The following SLC9C1 variants were observed in gnomAD, a reference collection of about 807,000 sequenced individuals.
SLC9C1 encodes sodium/hydrogen exchanger 10.
SLC9C1 carries 97 observed loss-of-function variants against 140.9 expected under a neutral mutation model. That is an observed-to-expected ratio of 0.69 (90% CI 0.58 to 0.82). SLC9C1 has a LOEUF of 0.82. SLC9C1 is among the 40% of genes least tolerant of loss of function. SLC9C1 has a pLI of 0.00. For missense variants in SLC9C1, 1,340 were observed against 1,389.3 expected (o/e 0.96, Z 0.56); for synonymous variants, 440 against 442.6 (o/e 0.99, Z 0.07).
At position 112,190,928 on chromosome 3, in the gene SLC9C1, AACAC is replaced by A. The variant is rs56930611; in HGVS notation, c.2523+8389_2523+8392del. On this transcript the variant is annotated intron_variant, in intron 20 of 28. Coordinates refer to ENST00000305815, the MANE Select transcript of SLC9C1 (RefSeq NM_183061.3). ...TATGCAGTAATTTTTACTTTTTTTA[AACAC>A]ACACACACACACACACACACACACA... is the stretch of plus-strand genomic sequence containing the variant. Among the ~76,000 whole-genome samples, 1,057 of 138,740 alleles carry A rather than the reference AACAC, an allele frequency of 7.6e-3. 6 individuals carry two copies. Among genetic ancestry groups the A allele is most frequent in the East Asian group, 0.037 (186 of 4,964 alleles). 91.0% of individuals were successfully genotyped at this position (138,740 alleles called of 152,430 possible).
At chr3:112,277,641 G>T (rs185229804) in intron 5 of SLC9C1, 54 bp downstream of exon 5, 5 of 1,365,328 alleles carry the variant, frequency 3.7e-6, no homozygotes, top group East Asian at 5.3e-5. Context: ...TAAAATACAA[G>T]TTCATTATGA....
At chr3:112,156,350 C>T (rs1400069053) in intron 26 of SLC9C1, among the ~76,000 whole-genome samples, 1 of 151,866 alleles carries the variant, frequency 6.6e-6, no homozygotes, top group Non-Finnish European at 1.5e-5. Context: ...TTTTTAATGG[C>T]TAGATAATAT....
intron 26 of SLC9C1, among the ~76,000 whole-genome samples, chr3:112,166,430 G>T (rs1203133559): frequency 3.9e-5 from 6 of 152,162 alleles, no homozygotes; most frequent in Non-Finnish European, 8.8e-5. Flanking sequence ...TCGAGCTGGA[G>T]AGCTCCACAT....
At chr3:112,243,950 T>G (rs1395157029) in intron 11 of SLC9C1, 45 bp downstream of exon 11, 3 of 1,307,128 alleles carry the variant, frequency 2.3e-6, no homozygotes, top group Non-Finnish European at 3.2e-6. Context: ...TTACCATACT[T>G]AGAATGTTTT....
At chr3:112,251,453 A>G (rs1344893120) in intron 10 of SLC9C1, among the ~76,000 whole-genome samples, 1 of 152,150 alleles carries the variant, frequency 6.6e-6, no homozygotes, top group Non-Finnish European at 1.5e-5. Context: ...GCACACGTGG[A>G]GCCCTAGGTG....
chr3:112,207,393 C>G (rs930052458), intron 16 of SLC9C1, among the ~76,000 whole-genome samples: 2 of 152,136 alleles, frequency 1.3e-5, no homozygotes, highest in Non-Finnish European at 2.9e-5. Flanking sequence ...TGGATAAAAT[C>G]TGAGCTATAG....
At chr3:112,197,316 G>C (rs1008673310) in intron 20 of SLC9C1, among the ~76,000 whole-genome samples, 1 of 152,138 alleles carries the variant, frequency 6.6e-6, no homozygotes, top group Non-Finnish European at 1.5e-5. Flanking sequence ...TCAGCCAGAG[G>C]GGGAGGGCTT....
At chr3:112,181,786 G>GA (rs546775627) in intron 21 of SLC9C1, among the ~76,000 whole-genome samples, 69 of 140,920 alleles carry the variant, frequency 4.9e-4, no homozygotes, top group East Asian at 1.4e-3. Flanking sequence ...GGAAAAGTTT[G>GA]AAAAAAAAAA....
In SLC9C1 at chr3:112,182,207, G is replaced by T. The variant is rs745686391; in HGVS notation, c.2575C>A (p.Pro859Thr). 24 of 1,607,250 alleles carry T rather than the reference G, an allele frequency of 1.5e-5. No homozygotes were observed. Among genetic ancestry groups the T allele is most frequent in the Non-Finnish European group, 1.8e-5 (21 of 1,176,944 alleles). ...EVLDSQSIIRPLTVEEVLYHI... is the reference protein window; with the variant it reads ...EVLDSQSIIRTLTVEEVLYHI... ...TATAGAACTTCTTCAACAGTAAGAG[G>T]CCTGATAATAGATTGAGAATCAAGC... Residue 859 changes from proline (P) to threonine (T), a missense_variant, in exon 21 of 29, where the codon CCT becomes ACT. By Grantham distance (38) the Pro-to-Thr change is conservative. Coordinates refer to ENST00000305815, the MANE Select transcript of SLC9C1 (RefSeq NM_183061.3).
intron 2 of SLC9C1, among the ~76,000 whole-genome samples, chr3:112,284,219 G>C (rs995954707): frequency 6.6e-6 from 1 of 152,178 alleles, no homozygotes; most frequent in Non-Finnish European, 1.5e-5. Flanking sequence ...AGGTAAAGTT[G>C]CTTCAACATC....
chr3:112,162,489 GGAT>G (rs2075334163), intron 26 of SLC9C1, among the ~76,000 whole-genome samples: 1 of 152,156 alleles, frequency 6.6e-6, no homozygotes, highest in Non-Finnish European at 1.5e-5. Flanking sequence ...AAGGGTTGTT[GGAT>G]TTTGTTAAAG....
chr3:112,275,112 T>C, intron 5 of SLC9C1, 87 bp from the exon 6 acceptor site: 1 of 1,372,692 alleles, frequency 7.3e-7, no homozygotes, highest in Non-Finnish European at 9.7e-7. Flanking sequence ...TCTTAGCAAC[T>C]ATAAGGATGG....
chr3:112,188,906 A>G (rs2077592409), intron 20 of SLC9C1, among the ~76,000 whole-genome samples: 1 of 152,102 alleles, frequency 6.6e-6, no homozygotes, highest in Non-Finnish European at 1.5e-5. Context: ...TTGTTTCCTG[A>G]CTTTTTAATG....
At chr3:112,157,275 T>C (rs2075151996) in intron 26 of SLC9C1, among the ~76,000 whole-genome samples, 1 of 152,064 alleles carries the variant, frequency 6.6e-6, no homozygotes, top group African/African-American at 2.4e-5. Context: ...TTAAAGAGAC[T>C]GTCCTTTCCC....
chr3:112,201,211 G>A (rs1168785917), intron 18 of SLC9C1, among the ~76,000 whole-genome samples: 3 of 151,960 alleles, frequency 2.0e-5, no homozygotes, highest in Admixed American at 6.6e-5. Flanking sequence ...CTTTATGAGA[G>A]CCCCCAGATT....
intron 12 of SLC9C1, among the ~76,000 whole-genome samples, chr3:112,238,901 G>A (rs917438505): frequency 6.6e-6 from 1 of 152,226 alleles, no homozygotes. Context: ...CTATTCAGGG[G>A]TCAGGGACCC....
At chr3:112,200,804 CTG>C in intron 18 of SLC9C1, 42 bp from the exon 19 acceptor site, 1 of 1,544,190 alleles carries the variant, frequency 6.5e-7, no homozygotes, top group Non-Finnish European at 8.9e-7. Flanking sequence ...GAAAAACAGA[CTG>C]TTATAAAATG....
chr3:112,166,603 T>A (rs565155451), intron 26 of SLC9C1, among the ~76,000 whole-genome samples: 1 of 152,330 alleles, frequency 6.6e-6, no homozygotes, highest in East Asian at 1.9e-4. Flanking sequence ...CACAGGATTT[T>A]AAAATTGATT....
intron 21 of SLC9C1, 131 bp from the exon 22 acceptor site, chr3:112,180,793 T>C (rs1260996526): frequency 7.2e-6 from 5 of 695,242 alleles, no homozygotes; most frequent in Non-Finnish European, 1.2e-5. Context: ...TGGAGTGCAG[T>C]GGTGCAATCT....
Sources: allele counts gnomAD v4.1 joint callset (sites outside exome capture counted in the v4.1 genomes callset), GRCh38; gene constraint gnomAD v4.1.1; transcripts MANE v1.5; gene names NCBI Gene and HGNC (gene_info 2026-07-23, HGNC 2026-07-21).